Variants in CDH18 observed in about 807,000 individuals in gnomAD.
The protein encoded by CDH18 is cadherin-18.
In CDH18, 31 loss-of-function variants were observed where a neutral mutation model predicts 67.9. The ratio of observed to expected loss-of-function variants is 0.46; its 90% confidence interval spans 0.34 to 0.62. The LOEUF (loss-of-function observed/expected upper bound fraction) is 0.62, where lower values mean the gene tolerates loss of function less well. Among genes scored for constraint, CDH18 ranks in the 20% least tolerant of loss-of-function variants. The pLI is 0.01. For synonymous variants in CDH18, 362 were observed against 347.2 expected, an observed-to-expected ratio of 1.04 and a Z score of -0.48; for missense variants, 890 against 975.5, an observed-to-expected ratio of 0.91 and a Z score of 1.17.
At chr5:20,305,739 C>A in intron 1 of CDH18, 1 of 346,004 alleles carries the variant, frequency 2.9e-6, no homozygotes, top group Admixed American at 4.4e-5. Flanking sequence ...GCTGTGGGAA[C>A]CGCGCCGAAC....
chr5:20,000,169 T>C (rs1736334357), intron 2 of CDH18, among the ~76,000 whole-genome samples: 1 of 152,102 alleles, frequency 6.6e-6, no homozygotes. Flanking sequence ...GAGCCCAATA[T>C]AGGGATGGCG....
At chr5:19,483,814 T>G (rs35262531) in intron 11 of CDH18, among the ~76,000 whole-genome samples, 14,513 of 152,204 alleles carry the variant, frequency 0.095, 900 homozygotes, top group Admixed American at 0.13. Context: ...AATGAACATT[T>G]TGGACATGGA....
intron 2 of CDH18, among the ~76,000 whole-genome samples, chr5:20,070,655 C>G (rs1580171547): frequency 6.6e-6 from 1 of 152,086 alleles, no homozygotes; most frequent in African/African-American, 2.4e-5. Context: ...TGCCTGAGTC[C>G]TTGTTCCATC....
rs557130483 is a variant in CDH18 at position 20,003,297 on chromosome 5, T to TTG, written c.-517-11285_-517-11284dup. Among the ~76,000 whole-genome samples, 429 of 150,228 alleles carry TTG rather than the reference T, an allele frequency of 2.9e-3. 1 individual carries two copies. The highest frequency in any genetic ancestry group is 4.5e-3 in the African/African-American group (186 of 41,100). On this transcript the variant is annotated intron_variant, in intron 2 of 14. Coordinates refer to the CDH18 transcript ENST00000507958. Reference sequence around the variant, plus strand: ...TATAAATATCAGTATGTGGCTGTGTTTGTGTGTGTGTGTGTGTGTATTTGT... The same window carrying TTG: ...TATAAATATCAGTATGTGGCTGTGTTTGTGTGTGTGTGTGTGTGTGTATTTGT...
chr5:19,531,711 C>T (rs1748652027), intron 9 of CDH18, among the ~76,000 whole-genome samples: 1 of 152,012 alleles, frequency 6.6e-6, no homozygotes, highest in Non-Finnish European at 1.5e-5. Context: ...GTGGGTGGAT[C>T]AGCTGAGATC....
intron 2 of CDH18, among the ~76,000 whole-genome samples, chr5:20,078,705 C>G (rs914279374): frequency 6.6e-6 from 1 of 151,686 alleles, no homozygotes; most frequent in Non-Finnish European, 1.5e-5. Flanking sequence ...TGGGTTCAAG[C>G]GATTTTCCTG....
intron 1 of CDH18, among the ~76,000 whole-genome samples, chr5:20,353,828 T>C (rs552100143): frequency 4.6e-5 from 7 of 152,186 alleles, no homozygotes; most frequent in Non-Finnish European, 8.8e-5. Context: ...CATCCTTTCA[T>C]CCTTTCTCCC....
intron 2 of CDH18, among the ~76,000 whole-genome samples, chr5:20,036,338 T>C (rs924347508): frequency 6.6e-6 from 1 of 151,890 alleles, no homozygotes; most frequent in Non-Finnish European, 1.5e-5. Flanking sequence ...TTATAGACAA[T>C]GTAGGTAAAT....
chr5:19,748,112 C>CAAAAAAAA (rs766955714), intron 3 of CDH18, among the ~76,000 whole-genome samples: 317 of 14,842 alleles, frequency 0.021, 53 homozygotes, highest in African/African-American at 0.055. Flanking sequence ...GACTCCATCT[C>CAAAAAAAA]AAAAAAAAAA....
intron 2 of CDH18, among the ~76,000 whole-genome samples, chr5:20,166,948 A>G (rs778314795): frequency 7.2e-5 from 11 of 152,314 alleles, no homozygotes; most frequent in African/African-American, 2.2e-4. Context: ...TCTAAAAAGT[A>G]TCTTGTAATT....
intron 1 of CDH18, among the ~76,000 whole-genome samples, chr5:20,376,787 C>T (rs1369752392): frequency 2.0e-5 from 3 of 151,772 alleles, no homozygotes; most frequent in African/African-American, 4.8e-5. Context: ...GAGGCCGAGG[C>T]GGGAGGATCT....
chr5:19,991,335 G>A (rs963864559), upstream of CDH18, among the ~76,000 whole-genome samples: 1 of 151,926 alleles, frequency 6.6e-6, no homozygotes, highest in African/African-American at 2.4e-5. Context: ...AGATATCATT[G>A]GCATAAAAAT....
intron 5 of CDH18, among the ~76,000 whole-genome samples, chr5:19,691,538 T>C (rs113510121): frequency 2.0e-4 from 30 of 151,874 alleles, no homozygotes; most frequent in African/African-American, 6.3e-4. Context: ...AAAAAATTAA[T>C]TTGCATGATA....
chr5:20,288,873 A>G (rs1580674423), intron 1 of CDH18, among the ~76,000 whole-genome samples: 1 of 152,144 alleles, frequency 6.6e-6, no homozygotes, highest in East Asian at 1.9e-4. Flanking sequence ...CCTACAGTTA[A>G]GATATATTTC....
intron 2 of CDH18, among the ~76,000 whole-genome samples, chr5:20,232,083 G>A (rs1169454292): frequency 1.3e-5 from 2 of 151,904 alleles, no homozygotes; most frequent in Non-Finnish European, 2.9e-5. Flanking sequence ...AACAAGCGAA[G>A]CAATTCTAAA....
chr5:20,523,403 G>A (rs751163338), intron 1 of CDH18, among the ~76,000 whole-genome samples: 8 of 152,060 alleles, frequency 5.3e-5, no homozygotes, highest in Non-Finnish European at 8.8e-5. Flanking sequence ...CAGTTTAGTT[G>A]AATCTATATT....
At chr5:20,079,977 C>A (rs573675340) in intron 2 of CDH18, among the ~76,000 whole-genome samples, 1 of 152,252 alleles carries the variant, frequency 6.6e-6, no homozygotes, top group African/African-American at 2.4e-5. Context: ...ATGATGAGGG[C>A]TCTAGTCTCA....
At chr5:19,878,952 T>TA (rs1787330475) in intron 2 of CDH18, among the ~76,000 whole-genome samples, 1 of 152,124 alleles carries the variant, frequency 6.6e-6, no homozygotes, top group Middle Eastern at 3.4e-3. Flanking sequence ...AAATAGAAGC[T>TA]AAAAAATGTC....
intron 3 of CDH18, among the ~76,000 whole-genome samples, chr5:19,792,051 G>A (rs1217806724): frequency 1.3e-5 from 2 of 152,124 alleles, no homozygotes; most frequent in African/African-American, 4.8e-5. Flanking sequence ...TTAATTGATT[G>A]ATATAATGGT....
Sources: gnomAD v4.1 joint callset for allele counts (sites outside exome capture counted in the v4.1 genomes callset) on GRCh38, gnomAD v4.1.1 for gene constraint, MANE v1.5 for transcripts, NCBI Gene and HGNC (gene_info 2026-07-23, HGNC 2026-07-21) for gene names.